KCNIP1: variants seen among roughly 807,000 people sequenced by gnomAD.
KCNIP1 encodes A-type potassium channel modulatory protein KCNIP1.
Under a neutral mutation model 33.0 loss-of-function variants are expected in KCNIP1, and 18 were observed. That is an observed-to-expected ratio of 0.55 (90% CI 0.38 to 0.81). KCNIP1 has a LOEUF of 0.81. Among genes scored for constraint, KCNIP1 ranks in the 30% least tolerant of loss-of-function variants. KCNIP1 has a pLI of 0.00. For missense variants in KCNIP1, 238 were observed against 271.6 expected (o/e 0.88, Z 0.87); for synonymous variants, 93 against 98.3 (o/e 0.95, Z 0.32).
chr5:170,638,626 C>A (rs1027575953), intron 1 of KCNIP1, among the ~76,000 whole-genome samples: 1 of 152,148 alleles, frequency 6.6e-6, no homozygotes, highest in African/African-American at 2.4e-5. Context: ...TTGTCCTCAG[C>A]CTCCCTGCTC....
chr5:170,667,312 C>CAA (rs35041879), intron 1 of KCNIP1, among the ~76,000 whole-genome samples: 10,401 of 136,598 alleles, frequency 0.076, 615 homozygotes, highest in African/African-American at 0.17. Flanking sequence ...AACTCCGTCT[C>CAA]AAAAAAAAAA....
At chr5:170,486,860 G>A (rs763226664) in intron 1 of KCNIP1, among the ~76,000 whole-genome samples, 30 of 152,130 alleles carry the variant, frequency 2.0e-4, no homozygotes, top group Non-Finnish European at 2.9e-4. Context: ...ACTGGTACAC[G>A]CCTGTGTACT....
chr5:170,670,045 AG>A (rs1159114084), intron 1 of KCNIP1, among the ~76,000 whole-genome samples: 1 of 152,210 alleles, frequency 6.6e-6, no homozygotes, highest in African/African-American at 2.4e-5. Context: ...GAGAACTGAA[AG>A]AACAAAATTT....
chr5:170,638,316 C>G (rs1760381161), intron 1 of KCNIP1, among the ~76,000 whole-genome samples: 1 of 152,094 alleles, frequency 6.6e-6, no homozygotes, highest in Admixed American at 6.5e-5. Flanking sequence ...TGCCCCCTGC[C>G]AGGCACGTGC....
At position 170,652,444 on chromosome 5, in the gene KCNIP1, C is replaced by T. The variant is rs1468864861; in HGVS notation, c.62-66314C>T. ...AGGTTGCAGTGAGCCCAGATTGAAC[C>T]ACTGCACTCCAGCCTGGGCAACAGA... On this transcript the variant is annotated intron_variant, in intron 1 of 7. Transcript: ENST00000328939. Among the ~76,000 whole-genome samples, 46 of 142,062 alleles carry T rather than the reference C, an allele frequency of 3.2e-4. 1 individual carries two copies. The highest frequency in any genetic ancestry group is 1.2e-3 in the African/African-American group (44 of 37,610). The allele number at this position is 142,062 out of a possible 152,430, so 93.2% of individuals were successfully genotyped here.
intron 1 of KCNIP1, among the ~76,000 whole-genome samples, chr5:170,585,128 G>A (rs917544033): frequency 2.6e-5 from 4 of 151,122 alleles, no homozygotes; most frequent in Non-Finnish European, 5.9e-5. Context: ...AGCCAGAGTC[G>A]AAAATATTCA....
At chr5:170,383,160 T>A (rs1205434300) in intron 1 of KCNIP1, 1 of 187,266 alleles carries the variant, frequency 5.3e-6, no homozygotes, top group Admixed American at 5.4e-5. Flanking sequence ...GATGCAAGGA[T>A]GGAAAAACCA....
intron 1 of KCNIP1, among the ~76,000 whole-genome samples, chr5:170,682,784 CTTTT>C (rs70979196): frequency 2.1e-4 from 15 of 71,390 alleles, no homozygotes; most frequent in East Asian, 6.2e-4. Flanking sequence ...TTCTTTGTTT[CTTTT>C]TTTTTTTTTT....
chr5:170,687,175 A>G (rs1762564641), intron 1 of KCNIP1, among the ~76,000 whole-genome samples: 1 of 149,552 alleles, frequency 6.7e-6, no homozygotes, highest in African/African-American at 2.5e-5. Flanking sequence ...GTGTAAAAAA[A>G]CCTGAGTAAA....
intron 1 of KCNIP1, among the ~76,000 whole-genome samples, chr5:170,714,785 T>C (rs1763588225): frequency 6.6e-6 from 1 of 152,078 alleles, no homozygotes; most frequent in South Asian, 2.1e-4. Context: ...CTAGGCAGTG[T>C]GAATTTTAAG....
chr5:170,483,056 A>T (rs1327788285), intron 1 of KCNIP1: 1 of 455,038 alleles, frequency 2.2e-6, no homozygotes, highest in Admixed American at 2.4e-5. Flanking sequence ...GTTTCCAAGG[A>T]CAGATGGAGT....
At chr5:170,515,958 G>T (rs1755104446) in intron 1 of KCNIP1, among the ~76,000 whole-genome samples, 1 of 152,204 alleles carries the variant, frequency 6.6e-6, no homozygotes, top group Non-Finnish European at 1.5e-5. Flanking sequence ...TAGGCAGAAG[G>T]AACAGGATAA....
At chr5:170,392,701 T>C (rs188072486) in intron 1 of KCNIP1, among the ~76,000 whole-genome samples, 1 of 152,262 alleles carries the variant, frequency 6.6e-6, no homozygotes, top group East Asian at 1.9e-4. Context: ...CAGGTGCCTA[T>C]AATCCCAGCT....
chr5:170,644,310 G>A (rs1269372918), intron 1 of KCNIP1, among the ~76,000 whole-genome samples: 1 of 152,238 alleles, frequency 6.6e-6, no homozygotes, highest in South Asian at 2.1e-4. Context: ...ACATATGCCC[G>A]AGGCAGTCAG....
chr5:170,698,883 A>C (rs1187210209), intron 1 of KCNIP1, among the ~76,000 whole-genome samples: 1 of 152,154 alleles, frequency 6.6e-6, no homozygotes, highest in Non-Finnish European at 1.5e-5. Context: ...TTGAAACTGA[A>C]ATTGATAAAC....
chr5:170,477,946 C>T (rs1055993060), intron 1 of KCNIP1, among the ~76,000 whole-genome samples: 3 of 152,074 alleles, frequency 2.0e-5, no homozygotes, highest in Non-Finnish European at 2.9e-5. Context: ...AAAAAAACTC[C>T]AATAGAAGTG....
chr5:170,690,304 T>C (rs1252532478), intron 1 of KCNIP1, among the ~76,000 whole-genome samples: 1 of 152,186 alleles, frequency 6.6e-6, no homozygotes, highest in Non-Finnish European at 1.5e-5. Context: ...TTCCAGTGGG[T>C]TTCTGTCTTT....
chr5:170,363,270 G>A lies in KCNIP1; in HGVS notation c.88+9306G>A, dbSNP rs1043867151. Reference sequence around the variant, plus strand: ...ACGCCTGGTCAAACCTGTCAGCACCGTCACTTCTGTCACAGACTGAATTGT... The same window carrying A: ...ACGCCTGGTCAAACCTGTCAGCACCATCACTTCTGTCACAGACTGAATTGT... On this transcript the variant is annotated intron_variant, in intron 1 of 7. Transcript: ENST00000377360. 5.9e-5 allele frequency among the ~76,000 whole-genome samples: 9 copies of A among 152,318 alleles called. No homozygotes were observed. In the South Asian group the frequency reaches 8.3e-4, roughly 14 times the overall value.
chr5:170,467,004 A>T (rs1756621760), intron 1 of KCNIP1, among the ~76,000 whole-genome samples: 1 of 152,206 alleles, frequency 6.6e-6, no homozygotes, highest in African/African-American at 2.4e-5. Context: ...CATTACTGAG[A>T]ATGTGAGTGT....
Sources: allele counts gnomAD v4.1 joint callset (sites outside exome capture counted in the v4.1 genomes callset), GRCh38; gene constraint gnomAD v4.1.1; transcripts MANE v1.5; gene names NCBI Gene and HGNC (gene_info 2026-07-23, HGNC 2026-07-21).